SLC25A17: variants seen among roughly 807,000 people sequenced by gnomAD.
The protein encoded by SLC25A17 is solute carrier family 25 member 17.
SLC25A17 carries 26 observed loss-of-function variants against 38.5 expected under a neutral mutation model. The observed-to-expected ratio is 0.68, with a 90% confidence interval of 0.50 to 0.94. The LOEUF (loss-of-function observed/expected upper bound fraction) is 0.94, where lower values mean the gene tolerates loss of function less well. SLC25A17 is among the 40% of genes least tolerant of loss of function. The pLI is 0.00. For synonymous variants in SLC25A17, 139 were observed against 136.2 expected (o/e 1.02, Z -0.14); for missense variants, 333 against 372.7 (o/e 0.89, Z 0.88).
chr22:40,812,589 T>TA (rs1359567732), intron 1 of SLC25A17, among the ~76,000 whole-genome samples: 3 of 151,614 alleles, frequency 2.0e-5, no homozygotes, highest in East Asian at 3.9e-4. Context: ...GTGGTGGGGG[T>TA]AAAAAAGACA....
chr22:40,788,180 C>G (rs921053828), intron 4 of SLC25A17, among the ~76,000 whole-genome samples: 1 of 152,188 alleles, frequency 6.6e-6, no homozygotes, highest in African/African-American at 2.4e-5. Flanking sequence ...CCTTTTTACC[C>G]ATACTTATAC....
chr22:40,804,050 G>A (rs933832080), intron 1 of SLC25A17, among the ~76,000 whole-genome samples: 13 of 151,978 alleles, frequency 8.6e-5, no homozygotes, highest in African/African-American at 2.7e-4. Context: ...TTCTCCAGAC[G>A]ACACTGACAC....
intron 8 of SLC25A17, among the ~76,000 whole-genome samples, chr22:40,771,298 G>C (rs2103774): frequency 1.3e-5 from 2 of 152,104 alleles, no homozygotes; most frequent in African/African-American, 4.8e-5. Context: ...TTTTAGTGGA[G>C]ATGGGGTTTC....
chr22:40,782,082 C>T (rs1051441974), intron 4 of SLC25A17, among the ~76,000 whole-genome samples: 2 of 152,004 alleles, frequency 1.3e-5, no homozygotes, highest in Non-Finnish European at 1.5e-5. Flanking sequence ...TAGCCAGGCA[C>T]GGTGGCGGGC....
chr22:40,777,185 T>A (rs758211374), intron 6 of SLC25A17, 43 bp downstream of exon 6: 1 of 1,613,450 alleles, frequency 6.2e-7, no homozygotes, highest in Non-Finnish European at 8.5e-7. Flanking sequence ...AACAAGAAGG[T>A]GTCAGACAGA....
intron 1 of SLC25A17, among the ~76,000 whole-genome samples, chr22:40,807,735 C>T (rs1679657361): frequency 6.6e-6 from 1 of 151,986 alleles, no homozygotes; most frequent in South Asian, 2.1e-4. Context: ...GGTGACAGAG[C>T]AAGACTCCAT....
chr22:40,803,565 T>C (rs1306810596), intron 1 of SLC25A17, among the ~76,000 whole-genome samples: 3 of 152,124 alleles, frequency 2.0e-5, no homozygotes, highest in African/African-American at 4.8e-5. Flanking sequence ...TAGATAAGCA[T>C]TGATTCCACA....
intron 1 of SLC25A17, among the ~76,000 whole-genome samples, chr22:40,810,218 T>A (rs549876576): frequency 6.6e-6 from 1 of 152,314 alleles, no homozygotes; most frequent in South Asian, 2.1e-4. Context: ...TGTATACTGG[T>A]GGTCCCTATC....
At chr22:40,812,112 C>G (rs2057588364) in intron 1 of SLC25A17, among the ~76,000 whole-genome samples, 1 of 151,828 alleles carries the variant, frequency 6.6e-6, no homozygotes, top group Non-Finnish European at 1.5e-5. Context: ...CCAGGCTGGT[C>G]TCAAACTCCT....
intron 1 of SLC25A17, among the ~76,000 whole-genome samples, chr22:40,802,918 T>C (rs1233534053): frequency 6.6e-6 from 1 of 152,220 alleles, no homozygotes; most frequent in Non-Finnish European, 1.5e-5. Flanking sequence ...TACATGTTTA[T>C]AGGGTGCAGT....
intron 4 of SLC25A17, among the ~76,000 whole-genome samples, chr22:40,782,016 T>TA (rs1226021854): frequency 6.6e-6 from 1 of 152,062 alleles, no homozygotes; most frequent in Non-Finnish European, 1.5e-5. Flanking sequence ...GGTCAGGAGT[T>TA]AGAGACCAGC....
chr22:40,818,278 C>T (rs1295229056), intron 1 of SLC25A17, among the ~76,000 whole-genome samples: 1 of 152,058 alleles, frequency 6.6e-6, no homozygotes, highest in Admixed American at 6.5e-5. Flanking sequence ...AGGAGTCACC[C>T]AAGCCAAAAG....
At chr22:40,816,807 C>T (rs1385918774) in intron 1 of SLC25A17, among the ~76,000 whole-genome samples, 1 of 150,688 alleles carries the variant, frequency 6.6e-6, no homozygotes. Flanking sequence ...GACGGGGTTT[C>T]ACCATGTTAG....
At chr22:40,779,146 A>G in intron 4 of SLC25A17, 21 bp from the exon 5 acceptor site, 2 of 1,614,172 alleles carry the variant, frequency 1.2e-6, no homozygotes, top group Non-Finnish European at 8.5e-7. Flanking sequence ...AAAGATGGAG[A>G]GAAAAAGGGA....
intron 1 of SLC25A17, among the ~76,000 whole-genome samples, chr22:40,801,377 T>C (rs898738864): frequency 6.6e-6 from 1 of 151,980 alleles, no homozygotes; most frequent in Non-Finnish European, 1.5e-5. Flanking sequence ...TTTATGGCTC[T>C]TTCAGCACAT....
In SLC25A17 at chr22:40,775,921, A is replaced by G. The variant is rs6002126; in HGVS notation, c.693+1119T>C. ...GTCAATTAAACCTCTTTCCTTTATAAATTACCCAGTCTCAGGCAGTCCTTT... is the reference window on the plus strand; with the variant it reads ...GTCAATTAAACCTCTTTCCTTTATAGATTACCCAGTCTCAGGCAGTCCTTT... On this transcript the variant is annotated intron_variant, in intron 7 of 8. Transcript: ENST00000435456. Among the ~76,000 whole-genome samples the G allele has an allele frequency of 3.6e-3, 548 of 152,214 alleles. 5 individuals carry two copies. Among genetic ancestry groups the G allele is most frequent in the African/African-American group, 0.013 (527 of 41,538 alleles).
intron 7 of SLC25A17, among the ~76,000 whole-genome samples, chr22:40,775,451 T>G (rs1195613983): frequency 2.1e-5 from 1 of 48,548 alleles, no homozygotes; most frequent in Non-Finnish European, 4.3e-5. Context: ...TTTTTTTTTT[T>G]TTTTTTTTTT....
intron 1 of SLC25A17, among the ~76,000 whole-genome samples, chr22:40,811,734 T>C (rs1408506775): frequency 2.0e-5 from 3 of 152,122 alleles, no homozygotes; most frequent in Non-Finnish European, 4.4e-5. Flanking sequence ...AGCTCTCCCA[T>C]GAACTAACAG....
At chr22:40,771,413 G>GT (rs1219225568) in intron 8 of SLC25A17, among the ~76,000 whole-genome samples, 13 of 152,070 alleles carry the variant, frequency 8.5e-5, no homozygotes, top group African/African-American at 2.4e-4. Context: ...CCAGGCCCTA[G>GT]TTTTTGGTTC....
Sources: gnomAD v4.1 joint callset for allele counts (sites outside exome capture counted in the v4.1 genomes callset) on GRCh38, gnomAD v4.1.1 for gene constraint, MANE v1.5 for transcripts, NCBI Gene and HGNC (gene_info 2026-07-23, HGNC 2026-07-21) for gene names.